Variants in COL4A6 observed in about 807,000 individuals in gnomAD.
The protein encoded by COL4A6 is collagen alpha-6(IV) chain.
A neutral mutation model predicts 126.7 loss-of-function variants in COL4A6; 59 were observed. The observed-to-expected ratio is 0.47, with a 90% CI of 0.38 to 0.58. The LOEUF (loss-of-function observed/expected upper bound fraction) is 0.58, where lower values mean the gene tolerates loss of function less well. COL4A6 is among the 20% of genes least tolerant of loss of function. The probability of loss-of-function intolerance (pLI) is 0.00; values close to 1 mark genes in which losing one functional copy is unlikely to be tolerated. For synonymous variants in COL4A6, 547 were observed against 496.6 expected (o/e 1.10, Z -1.35); for missense variants, 1,285 against 1,337.3 (o/e 0.96, Z 0.61).
At chrX:108,288,837 T>C (rs1042967937) in intron 3 of COL4A6, among the ~76,000 whole-genome samples, 3 of 111,239 alleles carry the variant, frequency 2.7e-5, no homozygotes, top group Non-Finnish European at 5.7e-5. Flanking sequence ...AATGATTATG[T>C]TTAACATTAC....
At chrX:108,177,680 T>C (rs2034543432) in intron 27 of COL4A6, among the ~76,000 whole-genome samples, 1 of 112,018 alleles carries the variant, frequency 8.9e-6, no homozygotes, top group African/African-American at 3.2e-5. Flanking sequence ...AATGTTCAGG[T>C]ACAAAGCAAG....
chrX:108,409,969 C>T (rs1404056167), intron 2 of COL4A6, among the ~76,000 whole-genome samples: 1 of 111,758 alleles, frequency 8.9e-6, no homozygotes, highest in Non-Finnish European at 1.9e-5. Context: ...CCGGAATCCT[C>T]CTCCTATCAT....
intron 3 of COL4A6, among the ~76,000 whole-genome samples, chrX:108,236,321 G>A (rs1316597627): frequency 9.0e-6 from 1 of 111,379 alleles, no homozygotes; most frequent in African/African-American, 3.3e-5. Context: ...CGGAACCCAA[G>A]AGAAGAAAAA....
chrX:108,170,917 C>T lies in COL4A6; in HGVS notation c.3278G>A (p.Gly1093Asp), dbSNP rs2034281220. 8.4e-7 allele frequency: 1 copy of T among 1,197,560 alleles called. No individual in the cohort carries two copies. Among genetic ancestry groups the T allele is most frequent in the Non-Finnish European group, 1.1e-6 (1 of 883,523 alleles). ...TATTAGTCCATCTCTTCCTTTTGTG[C>T]CTATAAAACCAAGAAAAATGCTGAG... ...KGQPGESGFKGTKGRDGLIGN... is the reference protein window; with the variant it reads ...KGQPGESGFKDTKGRDGLIGN... Residue 1093 changes from glycine to aspartate, a missense_variant and splice_region_variant, in exon 34 of 45, where the codon GGC becomes GAC. Gly to Asp is a moderately conservative substitution (Grantham distance 94). Coordinates refer to ENST00000334504, the MANE Select transcript of COL4A6 (RefSeq NM_033641.4).
chrX:108,371,642 A>G (rs2040330216), intron 2 of COL4A6, among the ~76,000 whole-genome samples: 1 of 107,403 alleles, frequency 9.3e-6, no homozygotes, highest in South Asian at 4.2e-4. Flanking sequence ...CTGTAGTTCC[A>G]GCTACTTGGA....
intron 2 of COL4A6, among the ~76,000 whole-genome samples, chrX:108,350,391 A>C (rs1479620072): frequency 9.0e-6 from 1 of 111,259 alleles, no homozygotes; most frequent in Non-Finnish European, 1.9e-5. Context: ...CATTATCATC[A>C]TCACCTAGAA....
At chrX:108,195,011 T>A in intron 15 of COL4A6, 71 bp downstream of exon 15, 1 of 847,768 alleles carries the variant, frequency 1.2e-6, no homozygotes, top group Non-Finnish European at 1.7e-6. Context: ...TTTGGCCATG[T>A]TAGGTAAAGC....
chrX:108,258,046 T>C (rs1461580521), intron 3 of COL4A6, among the ~76,000 whole-genome samples: 4 of 111,472 alleles, frequency 3.6e-5, no homozygotes, highest in Non-Finnish European at 7.6e-5. Flanking sequence ...ACTTTCCTTT[T>C]TATGAGTGTA....
At chrX:108,405,831 C>T (rs2041195226) in intron 2 of COL4A6, among the ~76,000 whole-genome samples, 1 of 111,720 alleles carries the variant, frequency 9.0e-6, no homozygotes, top group African/African-American at 3.3e-5. Context: ...TCAAGTCTAA[C>T]TCCTCCTAAA....
intron 2 of COL4A6, among the ~76,000 whole-genome samples, chrX:108,402,454 T>C (rs1010431396): frequency 4.5e-5 from 5 of 111,238 alleles, no homozygotes; most frequent in African/African-American, 1.6e-4. Context: ...TTGACTTTAA[T>C]GATCCTCTCC....
chrX:108,236,609 C>T (rs915425244), intron 3 of COL4A6, among the ~76,000 whole-genome samples: 22 of 111,411 alleles, frequency 2.0e-4, no homozygotes, highest in Non-Finnish European at 3.8e-4. Flanking sequence ...AAAAATGCTT[C>T]CTCTGACTCC....
chrX:108,296,278 T>G (rs749364443), intron 3 of COL4A6, among the ~76,000 whole-genome samples: 2 of 112,504 alleles, frequency 1.8e-5, no homozygotes, highest in South Asian at 7.4e-4. Flanking sequence ...CATGCTAATA[T>G]TTGGCCACAG....
At chrX:108,219,818 G>C in intron 4 of COL4A6, 76 bp from the exon 5 acceptor site, 3 of 836,917 alleles carry the variant, frequency 3.6e-6, no homozygotes, top group Non-Finnish European at 5.3e-6. Context: ...GTTTATGAGA[G>C]TCAATGGCCT....
At chrX:108,203,410 T>C (rs1346977093) in intron 12 of COL4A6, among the ~76,000 whole-genome samples, 2 of 112,131 alleles carry the variant, frequency 1.8e-5, no homozygotes, top group Non-Finnish European at 3.8e-5. Context: ...TTCCCTGATA[T>C]GTGAATTTAT....
intron 2 of COL4A6, among the ~76,000 whole-genome samples, chrX:108,377,226 T>C (rs1190433290): frequency 8.9e-6 from 1 of 112,323 alleles, no homozygotes; most frequent in Admixed American, 9.4e-5. Flanking sequence ...TAAAGAGCAG[T>C]ATTGCTGCCA....
chrX:108,178,034 A>T, intron 27 of COL4A6, among the ~76,000 whole-genome samples: 1 of 111,871 alleles, frequency 8.9e-6, no homozygotes, highest in African/African-American at 3.3e-5. Context: ...GATCTCAGAA[A>T]CACAGAGAGA....
chrX:108,256,919 A>G (rs1405885356), intron 3 of COL4A6, among the ~76,000 whole-genome samples: 1 of 111,757 alleles, frequency 8.9e-6, no homozygotes, highest in African/African-American at 3.2e-5. Flanking sequence ...AGGTTTATGC[A>G]AGATTGAAGA....
At chrX:108,277,733 G>A (rs2037656392) in intron 3 of COL4A6, among the ~76,000 whole-genome samples, 1 of 112,009 alleles carries the variant, frequency 8.9e-6, no homozygotes, top group Non-Finnish European at 1.9e-5. Flanking sequence ...CTAACTGGAA[G>A]GCACCCCCCA....
chrX:108,429,293 T>TA lies in COL4A6; in HGVS notation c.63+8648dup, dbSNP rs1422541188. On this transcript the variant is annotated intron_variant, in intron 2 of 44. Transcript: ENST00000334504. ...AAGTGTAAGGGAACTTTCTGGGAAATAAGTGTTTTTATTACAATTGTGGAG... is the reference window on the plus strand; with the variant it reads ...AAGTGTAAGGGAACTTTCTGGGAAATAAAGTGTTTTTATTACAATTGTGGAG... 5.4e-5 allele frequency among the ~76,000 whole-genome samples: 6 copies of TA among 112,109 alleles called. No individual in the cohort carries two copies. In the Admixed American group the frequency reaches 5.7e-4, roughly 11 times the overall value.
Sources: gnomAD v4.1 joint callset for allele counts (sites outside exome capture counted in the v4.1 genomes callset) on GRCh38, gnomAD v4.1.1 for gene constraint, MANE v1.5 for transcripts, NCBI Gene and HGNC (gene_info 2026-07-23, HGNC 2026-07-21) for gene names.